Variants in MARCKS observed in about 807,000 individuals in gnomAD.
MARCKS encodes the protein myristoylated alanine-rich C-kinase substrate.
Under a neutral mutation model 6.3 loss-of-function variants are expected in MARCKS, and 4 were observed. The ratio of observed to expected loss-of-function variants is 0.63; its 90% CI spans 0.31 to 1.45. The LOEUF is 1.45. MARCKS is among the 40% of genes most tolerant of loss of function. The pLI, the probability that MARCKS is intolerant of heterozygous loss-of-function variation, is 0.07. For missense variants in MARCKS, 636 were observed against 485.7 expected, an observed-to-expected ratio of 1.31 and a Z score of -2.91; for synonymous variants, 289 against 236.5, an observed-to-expected ratio of 1.22 and a Z score of -2.04.
Position 113,860,095 on chromosome 6 carries a change from A to C in MARCKS, c.515A>C (p.Lys172Thr). The C allele has an allele frequency of 6.4e-7, 1 of 1,564,210 alleles. No homozygotes were observed. Among genetic ancestry groups the C allele is most frequent in the Non-Finnish European group, 8.7e-7 (1 of 1,155,254 alleles). ...TTCAAGCTGAGCGGCTTCTCCTTCA[A>C]GAAGAACAAGAAGGAGGCTGGAGAA... is the stretch of plus-strand genomic sequence containing the variant. ...KSFKLSGFSF[K>T]KNKKEAGEGG... The change falls in exon 2 of 2, where the codon AAG becomes ACG. Residue 172 changes from lysine (K) to threonine (T), a missense_variant. Lys to Thr is a moderately conservative substitution (Grantham distance 78). Coordinates refer to ENST00000612661, the MANE Select transcript of MARCKS (RefSeq NM_002356.7).
In MARCKS at chr6:113,861,777, C is replaced by G. The variant is rs1332618867; in HGVS notation, c.*1198C>G. 12 of 152,454 alleles carry G rather than the reference C, an allele frequency of 7.9e-5. No homozygotes were observed. Among genetic ancestry groups the G allele is most frequent in the Non-Finnish European group, 4.4e-5 (3 of 67,982 alleles). The allele number at this position is 152,454 out of a possible 1,614,324, so 9.4% of individuals were successfully genotyped here. ...TAATTTTCTGTGAGCACACTAAAAG[C>G]GAAAAATAAATGTGAATAAAATGTA... On this transcript the variant is annotated 3_prime_UTR_variant, in exon 2 of 2. Transcript: ENST00000612661.
chr6:113,857,385 G>A lies in MARCKS; in HGVS notation c.-361G>A, dbSNP rs577760224. 109 of 225,850 alleles carry A rather than the reference G, an allele frequency of 4.8e-4. 1 individual carries two copies. The East Asian group carries it at 0.015, about 30-fold the overall frequency. The allele number at this position is 225,850 out of a possible 1,614,324, so 14.0% of individuals were successfully genotyped here. A position where few individuals can be genotyped will look rare whatever the true frequency, so the allele number is the denominator to read the frequency against. Reference sequence around the variant, plus strand: ...ACCCCGCATCTTATTAGCAACCAGGGAGATTTCTCCATTTTCCTCTTGTCT... The same window carrying A: ...ACCCCGCATCTTATTAGCAACCAGGAAGATTTCTCCATTTTCCTCTTGTCT... On this transcript the variant is annotated 5_prime_UTR_variant, in exon 1 of 2. Coordinates refer to ENST00000612661, the MANE Select transcript of MARCKS (RefSeq NM_002356.7).
intron 1 of MARCKS, among the ~76,000 whole-genome samples, chr6:113,859,138 C>T (rs964231240): frequency 6.6e-6 from 1 of 152,258 alleles, no homozygotes; most frequent in East Asian, 1.9e-4. Context: ...CCTGGGTGGG[C>T]GCAGGAGCTC....
At chr6:113,858,589 T>C (rs1013095396) in intron 1 of MARCKS, among the ~76,000 whole-genome samples, 35 of 152,210 alleles carry the variant, frequency 2.3e-4, no homozygotes, top group African/African-American at 8.2e-4. Flanking sequence ...GGATTGTTCT[T>C]GTGCGTGGCG....
rs750309283 is a variant in MARCKS at position 113,857,510 on chromosome 6, C to G, written c.-236C>G. ...TGCTCGACTTTTCCACCCTTTTTCC[C>G]TCCCTCCTGTGCTGCTGCTTTTTGA... On this transcript the variant is annotated 5_prime_UTR_variant, in exon 1 of 2. Transcript: ENST00000612661. 6 of 486,952 alleles carry G rather than the reference C, an allele frequency of 1.2e-5. No individual in the cohort carries two copies. Among genetic ancestry groups the G allele is most frequent in the Non-Finnish European group, 2.2e-5 (6 of 276,598 alleles). 30.2% of individuals were successfully genotyped at this position (486,952 alleles called of 1,614,324 possible).
chr6:113,862,462 A>C lies in MARCKS; in HGVS notation c.*1883A>C, dbSNP rs1339063940. 1 of 150,686 alleles carries C rather than the reference A, an allele frequency of 6.6e-6. No individual in the cohort carries two copies. The highest frequency in any genetic ancestry group is 1.5e-5 in the Non-Finnish European group (1 of 67,682). The allele number at this position is 150,686 out of a possible 1,614,324, so 9.3% of individuals were successfully genotyped here. On this transcript the variant is annotated 3_prime_UTR_variant, in exon 2 of 2. Coordinates refer to ENST00000612661, the MANE Select transcript of MARCKS (RefSeq NM_002356.7). ...AAGTGTGTTAGCATCTTGTTACTCAAAGGATAAGACAGACAATAATACTTC... is the reference window on the plus strand; with the variant it reads ...AAGTGTGTTAGCATCTTGTTACTCACAGGATAAGACAGACAATAATACTTC...
chr6:113,857,562 G>T lies in MARCKS; in HGVS notation c.-184G>T. ...CTCTTCGACTAAAATTTTTTTATCC[G>T]GAGTGTATTTAATCGGTTCTGTTCT... On this transcript the variant is annotated 5_prime_UTR_variant, in exon 1 of 2. Transcript: ENST00000612661. 1.8e-6 allele frequency: 1 copy of T among 554,146 alleles called. No homozygotes were observed. The highest frequency in any genetic ancestry group is 3.2e-6 in the Non-Finnish European group (1 of 312,710). The allele number at this position is 554,146 out of a possible 1,614,324, so 34.3% of individuals were successfully genotyped here.
At chr6:113,858,433 A>C (rs1046825216) in intron 1 of MARCKS, among the ~76,000 whole-genome samples, 1 of 152,202 alleles carries the variant, frequency 6.6e-6, no homozygotes, top group Non-Finnish European at 1.5e-5. Flanking sequence ...AGGCTTTCCC[A>C]CTGTCCTAAA....
In MARCKS at chr6:113,859,999, ACGGGGCCACGCCCTCGCC is replaced by A; in HGVS notation, c.421_438del (p.Gly141_Pro146del). On this transcript the variant is annotated inframe_deletion, in exon 2 of 2. Coordinates refer to ENST00000612661, the MANE Select transcript of MARCKS (RefSeq NM_002356.7). ...TCGACTTCTTCGCCCAAGGCCGAGGACGGGGCCACGCCCTCGCCCAGCAACGAGACCCCGAAAAAAAAA... is the reference window on the plus strand; with the variant it reads ...TCGACTTCTTCGCCCAAGGCCGAGGACAGCAACGAGACCCCGAAAAAAAAA... 1 of 1,561,708 alleles carries A rather than the reference ACGGGGCCACGCCCTCGCC, an allele frequency of 6.4e-7. No individual in the cohort carries two copies.
Position 113,860,738 on chromosome 6 carries a change from GT to G in MARCKS, c.*171del, listed in dbSNP as rs45449896. On this transcript the variant is annotated 3_prime_UTR_variant, in exon 2 of 2. Coordinates refer to ENST00000612661, the MANE Select transcript of MARCKS (RefSeq NM_002356.7). ...TTTTTTTTAAGCACCAAATTTTGTT[GT>G]TTTTTTTTTTTCTCCCCTCCCCACA... is the stretch of plus-strand genomic sequence containing the variant. 0.019 allele frequency: 6,150 copies of G among 329,924 alleles called. 1 individual carries two copies. The highest frequency in any genetic ancestry group is 0.028 in the South Asian group (443 of 15,832). The allele number at this position is 329,924 out of a possible 1,614,324, so 20.4% of individuals were successfully genotyped here. A position where few individuals can be genotyped will look rare whatever the true frequency, so the allele number is the denominator to read the frequency against.
Position 113,859,879 on chromosome 6 carries a change from C to A in MARCKS, c.299C>A (p.Ala100Asp). The change falls in exon 2 of 2, where the codon GCC (alanine) becomes GAC (aspartate). Residue 100 changes from alanine (A) to aspartate (D), a missense_variant. Transcript: ENST00000612661. ...GCCGCCGCTGCCCCCGAGGCCGGGGCCAGCCCGGTAGAGAAGGAGGCCCCC... is the reference window on the plus strand; with the variant it reads ...GCCGCCGCTGCCCCCGAGGCCGGGGACAGCCCGGTAGAGAAGGAGGCCCCC... ...PAAAAAPEAG[A>D]SPVEKEAPAE... 1 of 1,411,708 alleles carries A rather than the reference C, an allele frequency of 7.1e-7. No individual in the cohort carries two copies. The highest frequency in any genetic ancestry group is 1.4e-5 in the South Asian group (1 of 72,160). The allele number at this position is 1,411,708 out of a possible 1,614,324, so 87.4% of individuals were successfully genotyped here.
chr6:113,858,937 G>C (rs904174035), intron 1 of MARCKS, among the ~76,000 whole-genome samples: 3 of 152,364 alleles, frequency 2.0e-5, no homozygotes, highest in African/African-American at 4.8e-5. Context: ...CAGCCCGACC[G>C]GCAGGCCAGG....
In MARCKS at chr6:113,860,261, G is replaced by T. The variant is rs189092612; in HGVS notation, c.681G>T (p.Glu227Asp). ...GCGAGGAGGCGGCAGCGGGCGAGGAGGGGGCGGCGGGTGGCGACCCGCAGG... is the reference window on the plus strand; with the variant it reads ...GCGAGGAGGCGGCAGCGGGCGAGGATGGGGCGGCGGGTGGCGACCCGCAGG... ...APGEEAAAGEEGAAGGDPQEA... is the reference protein window; with the variant it reads ...APGEEAAAGEDGAAGGDPQEA... The change falls in exon 2 of 2, where the codon GAG (glutamate) becomes GAT (aspartate). Residue 227 changes from glutamate to aspartate, a missense_variant. Glu to Asp is a conservative substitution (Grantham distance 45). Coordinates refer to ENST00000612661, the MANE Select transcript of MARCKS (RefSeq NM_002356.7). 3.1e-3 allele frequency: 3,498 copies of T among 1,139,040 alleles called. 87 individuals carry two copies. The African/African-American group carries it at 0.055, about 18-fold the overall frequency. The allele number at this position is 1,139,040 out of a possible 1,614,324, so 70.6% of individuals were successfully genotyped here.
Position 113,859,958 on chromosome 6 carries a change from C to A in MARCKS, c.378C>A (p.Ala126=). 5.3e-6 allele frequency: 8 copies of A among 1,510,782 alleles called. No homozygotes were observed. The highest frequency in any genetic ancestry group is 2.7e-5 in the East Asian group (1 of 37,372). 93.6% of individuals were successfully genotyped at this position (1,510,782 alleles called of 1,614,324 possible). ...CGCCCACGGCCGCGGAGGGAGAGGC[C>A]GCGTCGGCCGCCTCCTCGACTTCTT... The part of the protein sequence containing the change: ...PGSPTAAEGE[A]ASAASSTSSP... Residue 126 remains alanine, a synonymous_variant, in exon 2 of 2, where the codon GCC becomes GCA. Coordinates refer to ENST00000612661, the MANE Select transcript of MARCKS (RefSeq NM_002356.7).
rs762501200 is a variant in MARCKS at position 113,860,114 on chromosome 6, T to C, written c.534T>C (p.Ala178=). 2 of 1,550,988 alleles carry C rather than the reference T, an allele frequency of 1.3e-6. No homozygotes were observed. Among genetic ancestry groups the C allele is most frequent in the East Asian group, 2.6e-5 (1 of 39,022 alleles). ...CCTTCAAGAAGAACAAGAAGGAGGC[T>C]GGAGAAGGCGGTGAGGCTGAGGCGC... The part of the protein sequence containing the change: ...GFSFKKNKKE[A]GEGGEAEAPA... Residue 178 remains alanine (A), a synonymous_variant, in exon 2 of 2, where the codon GCT becomes GCC. Transcript: ENST00000612661.
In MARCKS at chr6:113,860,045, G is replaced by C. The variant is rs1284512238; in HGVS notation, c.465G>C (p.Lys155Asn). 2 of 1,565,272 alleles carry C rather than the reference G, an allele frequency of 1.3e-6. No homozygotes were observed. Among genetic ancestry groups the C allele is most frequent in the African/African-American group, 2.8e-5 (2 of 71,324 alleles). ...GCAACGAGACCCCGAAAAAAAAAAA[G>C]AAGCGCTTTTCCTTCAAGAAGTCTT... ...SPSNETPKKK[K>N]KRFSFKKSFK... Residue 155 changes from lysine (K) to asparagine (N), a missense_variant, in exon 2 of 2, where the codon AAG becomes AAC. By Grantham distance (94) the Lys-to-Asn change is moderately conservative (BLOSUM62 0). Coordinates refer to ENST00000612661, the MANE Select transcript of MARCKS (RefSeq NM_002356.7).
In MARCKS at chr6:113,861,425, A is replaced by C. The variant is rs1380001034; in HGVS notation, c.*846A>C. On this transcript the variant is annotated 3_prime_UTR_variant, in exon 2 of 2. Coordinates refer to ENST00000612661, the MANE Select transcript of MARCKS (RefSeq NM_002356.7). The stretch of plus-strand genomic sequence containing the variant: ...AAATCTTGATATCCAGAAGCACATG[A>C]AGTTTGCAACTTTCCACCCTGCCCA... 6.6e-6 allele frequency: 1 copy of C among 152,622 alleles called. No homozygotes were observed. The highest frequency in any genetic ancestry group is 1.5e-5 in the Non-Finnish European group (1 of 68,020). The allele number at this position is 152,622 out of a possible 1,614,324, so 9.5% of individuals were successfully genotyped here. A position where few individuals can be genotyped will look rare whatever the true frequency, so the allele number is the denominator to read the frequency against.
intron 1 of MARCKS, 126 bp from the exon 2 acceptor site, chr6:113,859,557 G>A: frequency 1.3e-6 from 1 of 790,044 alleles, no homozygotes; most frequent in African/African-American, 1.8e-5. Context: ...CCACAACGGC[G>A]GGGGTGGGGT....
rs779600997 is a variant in MARCKS at position 113,860,537 on chromosome 6, C to A, written c.957C>A (p.Pro319=). The part of the protein sequence containing the change: ...ACAAPSQEAQ[P]ECSPEAPPAE... Reference sequence around the variant, plus strand: ...CAGCCCCCTCACAGGAGGCCCAGCCCGAGTGCAGTCCAGAAGCCCCCCCAG... The same window carrying A: ...CAGCCCCCTCACAGGAGGCCCAGCCAGAGTGCAGTCCAGAAGCCCCCCCAG... The change falls in exon 2 of 2, where the codon CCC becomes CCA. Residue 319 remains proline (P), a synonymous_variant. Transcript: ENST00000612661. 70 of 1,561,574 alleles carry A rather than the reference C, an allele frequency of 4.5e-5. 1 individual carries two copies. In the Admixed American group the frequency reaches 1.4e-3, roughly 30 times the overall value.
Sources: gnomAD v4.1 joint callset for allele counts (sites outside exome capture counted in the v4.1 genomes callset) on GRCh38, gnomAD v4.1.1 for gene constraint, MANE v1.5 for transcripts, NCBI Gene and HGNC (gene_info 2026-07-23, HGNC 2026-07-21) for gene names.